FAM110B: variants seen among roughly 807,000 people sequenced by gnomAD.
The protein encoded by FAM110B is family with sequence similarity 110 member B, also known as protein FAM110B.
A neutral mutation model predicts 20.4 loss-of-function variants in FAM110B; 6 were observed. The observed-to-expected ratio is 0.29, with a 90% CI of 0.16 to 0.58. FAM110B has a LOEUF of 0.58. FAM110B is among the 20% of genes least tolerant of loss of function. FAM110B has a pLI of 0.90. For synonymous variants in FAM110B, 226 were observed against 214.1 expected, an observed-to-expected ratio of 1.06 and a Z score of -0.49; for missense variants, 434 against 498.2, an observed-to-expected ratio of 0.87 and a Z score of 1.23.
chr8:58,141,272 T>C (rs1368267550), intron 3 of FAM110B, among the ~76,000 whole-genome samples: 1 of 152,262 alleles, frequency 6.6e-6, no homozygotes, highest in Non-Finnish European at 1.5e-5. Context: ...CGTTTTGTTA[T>C]CTGGCATGTT....
intron 2 of FAM110B, among the ~76,000 whole-genome samples, chr8:58,040,204 T>A (rs927703941): frequency 2.6e-4 from 39 of 152,082 alleles, no homozygotes; most frequent in African/African-American, 9.2e-4. Context: ...TGCAAAATAT[T>A]TAACATTCCC....
chr8:58,127,721 T>C (rs895664622), intron 3 of FAM110B, among the ~76,000 whole-genome samples: 2 of 152,120 alleles, frequency 1.3e-5, no homozygotes, highest in African/African-American at 4.8e-5. Context: ...TCAAAAAAAA[T>C]GTAATACTTA....
intron 1 of FAM110B, among the ~76,000 whole-genome samples, chr8:58,022,401 A>C (rs1265057571): frequency 1.3e-5 from 2 of 152,166 alleles, no homozygotes; most frequent in African/African-American, 4.8e-5. Flanking sequence ...GAATGGGGGT[A>C]CAGAGTTTCA....
At chr8:58,037,327 G>GT (rs762051989) in intron 2 of FAM110B, among the ~76,000 whole-genome samples, 1 of 150,652 alleles carries the variant, frequency 6.6e-6, no homozygotes, top group Admixed American at 6.6e-5. Context: ...TTGTTTGTTT[G>GT]TTTTTTTAAT....
At chr8:58,144,704 C>T (rs1803817651) in intron 3 of FAM110B, among the ~76,000 whole-genome samples, 2 of 152,198 alleles carry the variant, frequency 1.3e-5, no homozygotes. Context: ...ACTCTCTTAG[C>T]ATTCCTAATT....
At position 58,146,554 on chromosome 8, in the gene FAM110B, G is replaced by A; in HGVS notation, c.324G>A (p.Glu108=). The A allele has an allele frequency of 1.9e-6, 3 of 1,614,036 alleles. No individual in the cohort carries two copies. Among genetic ancestry groups the A allele is most frequent in the Non-Finnish European group, 2.5e-6 (3 of 1,179,946 alleles). Residue 108 remains glutamate (E), a synonymous_variant, in exon 4 of 4, where the codon GAG becomes GAA. Coordinates refer to ENST00000519262, the MANE Select transcript of FAM110B (RefSeq NM_001377989.1). ...TGTTCGGCAACCACGCCAAGACCGA[G>A]AGCGGCGTGCAGAGGGAGAACCTGA... ...LKVFGNHAKT[E]SGVQRENLKL... is the part of the protein sequence containing the mutation.
intron 2 of FAM110B, among the ~76,000 whole-genome samples, chr8:58,044,487 A>G (rs936016199): frequency 6.6e-6 from 1 of 152,250 alleles, no homozygotes; most frequent in South Asian, 2.1e-4. Context: ...AAATGTCTGT[A>G]TATTAAAATA....
intron 2 of FAM110B, among the ~76,000 whole-genome samples, chr8:58,037,898 C>T (rs1306131738): frequency 1.3e-5 from 2 of 152,142 alleles, no homozygotes; most frequent in Non-Finnish European, 2.9e-5. Flanking sequence ...CTCCTTCCCC[C>T]ACTACAGTTA....
intron 2 of FAM110B, among the ~76,000 whole-genome samples, chr8:58,044,983 C>G (rs929479038): frequency 2.0e-5 from 3 of 152,292 alleles, no homozygotes; most frequent in East Asian, 1.9e-4. Context: ...ATAAAAAGCT[C>G]TCTTTTTAAG....
At chr8:58,043,601 T>A (rs1805262157) in intron 2 of FAM110B, among the ~76,000 whole-genome samples, 1 of 152,186 alleles carries the variant, frequency 6.6e-6, no homozygotes, top group African/African-American at 2.4e-5. Flanking sequence ...ATTAGGTATA[T>A]CTCCTAATGA....
intron 3 of FAM110B, among the ~76,000 whole-genome samples, chr8:58,111,193 A>G (rs1025795317): frequency 7.9e-5 from 12 of 152,224 alleles, no homozygotes; most frequent in African/African-American, 2.4e-4. Context: ...CCAAATACAC[A>G]CATTTATTTT....
In FAM110B at chr8:58,145,976, G is replaced by A. The variant is rs746997780; in HGVS notation, c.-255G>A. 6 of 424,852 alleles carry A rather than the reference G, an allele frequency of 1.4e-5. No individual in the cohort carries two copies. Among genetic ancestry groups the A allele is most frequent in the Non-Finnish European group, 2.5e-5 (6 of 236,614 alleles). 26.3% of individuals were successfully genotyped at this position (424,852 alleles called of 1,614,324 possible). A position where few individuals can be genotyped will look rare whatever the true frequency, so the allele number is the denominator to read the frequency against. On this transcript the variant is annotated 5_prime_UTR_variant, in exon 4 of 4. Transcript: ENST00000519262. The stretch of plus-strand genomic sequence containing the variant: ...TCCTTCAGGGAGAAGAAAGGAGGCA[G>A]CGAAGCAGATTAAAGGAACTTGTGG...
chr8:58,105,165 C>G lies in FAM110B; in HGVS notation c.-325+29542C>G, dbSNP rs557399254. On this transcript the variant is annotated intron_variant, in intron 3 of 3. Transcript: ENST00000519262. ...GACTTTTGCCATTTTCCTGAAATTG[C>G]TTTGGGCTCCATGTTACCTAAGGTT... is the stretch of plus-strand genomic sequence containing the variant. Among the ~76,000 whole-genome samples the G allele has an allele frequency of 3.9e-5, 6 of 152,114 alleles. No individual in the cohort carries two copies. In the East Asian group the frequency reaches 1.2e-3, roughly 30 times the overall value.
chr8:58,057,267 C>A (rs553660571), intron 2 of FAM110B, among the ~76,000 whole-genome samples: 9 of 152,098 alleles, frequency 5.9e-5, no homozygotes, highest in Non-Finnish European at 1.2e-4. Context: ...TGGGGCCCCT[C>A]GAGCACACAC....
At chr8:57,997,620 A>C (rs182671605) in intron 1 of FAM110B, among the ~76,000 whole-genome samples, 3 of 152,236 alleles carry the variant, frequency 2.0e-5, no homozygotes, top group African/African-American at 7.2e-5. Flanking sequence ...TTTGATTTGC[A>C]TCATTCTTCT....
chr8:58,135,730 A>C (rs951834420), intron 3 of FAM110B, among the ~76,000 whole-genome samples: 47 of 151,494 alleles, frequency 3.1e-4, no homozygotes, highest in Non-Finnish European at 6.0e-4. Context: ...CGGCTCCCCA[A>C]ATCCACACCA....
At position 58,031,721 on chromosome 8, in the gene FAM110B, T is replaced by G. The variant is rs1804964907; in HGVS notation, c.-414+18T>G. 1 of 152,204 alleles carries G rather than the reference T, an allele frequency of 6.6e-6. No homozygotes were observed. The highest frequency in any genetic ancestry group is 2.4e-5 in the African/African-American group (1 of 41,446). 9.4% of individuals were successfully genotyped at this position (152,204 alleles called of 1,614,324 possible). On this transcript the variant is annotated intron_variant, in intron 2 of 3. Transcript: ENST00000519262. ...AATAAAAGGTAATTACATTAAAAATTTATTATTAAAATCATGTAGGAATCT... is the reference window on the plus strand; with the variant it reads ...AATAAAAGGTAATTACATTAAAAATGTATTATTAAAATCATGTAGGAATCT...
intron 2 of FAM110B, among the ~76,000 whole-genome samples, chr8:58,047,986 G>C (rs1003253263): frequency 2.6e-4 from 39 of 152,092 alleles, no homozygotes; most frequent in African/African-American, 8.9e-4. Flanking sequence ...TAGCATAAAA[G>C]CTTAATGATT....
At chr8:58,043,805 G>C (rs574117438) in intron 2 of FAM110B, among the ~76,000 whole-genome samples, 1 of 152,290 alleles carries the variant, frequency 6.6e-6, no homozygotes, top group South Asian at 2.1e-4. Context: ...GGTAGGTTCT[G>C]TTATTATGCC....
Sources: allele counts gnomAD v4.1 joint callset (sites outside exome capture counted in the v4.1 genomes callset), GRCh38; gene constraint gnomAD v4.1.1; transcripts MANE v1.5; gene names NCBI Gene and HGNC (gene_info 2026-07-23, HGNC 2026-07-21).